Variants in APOLD1 observed in about 807,000 individuals in gnomAD.
The protein encoded by APOLD1 is apolipoprotein L domain containing 1.
Under a neutral mutation model 15.3 loss-of-function variants are expected in APOLD1, and 22 were observed. The observed-to-expected ratio is 1.44, with a 90% confidence interval of 1.03 to 2.05. The LOEUF (loss-of-function observed/expected upper bound fraction) is 2.05. Among genes scored for constraint, APOLD1 ranks in the 30% most tolerant of loss-of-function variants. The pLI is 0.00. For missense variants in APOLD1, 394 were observed against 353.5 expected, an observed-to-expected ratio of 1.11 and a Z score of -0.92; for synonymous variants, 190 against 167.4, an observed-to-expected ratio of 1.13 and a Z score of -1.04.
rs778912631 is a variant in APOLD1, at chr12:12,785,706, A to C, written c.3+12A>C. 1 of 1,611,682 alleles carries C rather than the reference A, an allele frequency of 6.2e-7. No homozygotes were observed. ...GACAGAAGTGAATGGTAAGTGGGGA[A>C]CCCTGAGGCATATATTCGGGATGAC... On this transcript the variant is annotated intron_variant, in intron 1 of 1. Transcript: ENST00000356591.
intron 1 of APOLD1, among the ~76,000 whole-genome samples, chr12:12,729,707 G>T (rs1372505538): frequency 6.6e-6 from 1 of 151,900 alleles, no homozygotes; most frequent in Non-Finnish European, 1.5e-5. Flanking sequence ...CCGCAGCTCA[G>T]GCTACAGTGA....
At chr12:12,737,506 A>G (rs975071268) in intron 1 of APOLD1, among the ~76,000 whole-genome samples, 1 of 152,238 alleles carries the variant, frequency 6.6e-6, no homozygotes, top group Admixed American at 6.5e-5. Context: ...TTTCTCGAAC[A>G]TAATAGCTTT....
At chr12:12,771,647 C>T (rs1946988053) in intron 1 of APOLD1, 1 of 497,384 alleles carries the variant, frequency 2.0e-6, no homozygotes, top group Non-Finnish European at 4.0e-6. Flanking sequence ...TGTCAGAGTT[C>T]ATTGAAACCC....
intron 1 of APOLD1, among the ~76,000 whole-genome samples, chr12:12,736,336 A>G (rs1415065632): frequency 1.4e-5 from 2 of 144,334 alleles, no homozygotes; most frequent in East Asian, 4.1e-4. Flanking sequence ...GGGCAATAAG[A>G]GTGAGAGTCT....
At chr12:12,758,025 A>C (rs1352829256) in intron 1 of APOLD1, among the ~76,000 whole-genome samples, 2 of 144,480 alleles carry the variant, frequency 1.4e-5, no homozygotes, top group Non-Finnish European at 3.0e-5. Context: ...TCCCGGGTTC[A>C]AGTGATTCTC....
intron 1 of APOLD1, among the ~76,000 whole-genome samples, chr12:12,750,127 T>A (rs1946799103): frequency 6.6e-6 from 1 of 152,034 alleles, no homozygotes; most frequent in Non-Finnish European, 1.5e-5. Flanking sequence ...AATCCCAGCA[T>A]TTTGCGAGGC....
At chr12:12,735,725 C>A (rs1439241893) in intron 1 of APOLD1, among the ~76,000 whole-genome samples, 1 of 152,018 alleles carries the variant, frequency 6.6e-6, no homozygotes, top group Non-Finnish European at 1.5e-5. Flanking sequence ...GAGGATCATT[C>A]GAGGTTAGGC....
At chr12:12,734,689 G>A (rs1246350352) in intron 1 of APOLD1, among the ~76,000 whole-genome samples, 2 of 152,212 alleles carry the variant, frequency 1.3e-5, no homozygotes, top group East Asian at 3.8e-4. Flanking sequence ...ATCAAAAGAA[G>A]ATGATCTTAT....
At chr12:12,744,932 A>G (rs1002860140) in intron 1 of APOLD1, among the ~76,000 whole-genome samples, 5 of 152,168 alleles carry the variant, frequency 3.3e-5, no homozygotes, top group Non-Finnish European at 7.4e-5. Context: ...AAATATCACT[A>G]TGAACTTGTG....
intron 1 of APOLD1, among the ~76,000 whole-genome samples, chr12:12,755,264 G>C (rs1034198619): frequency 2.0e-5 from 3 of 151,980 alleles, no homozygotes; most frequent in African/African-American, 7.3e-5. Context: ...GAGATCCCTA[G>C]CTCACTTCAT....
chr12:12,773,342 C>G (rs1365753624), intron 1 of APOLD1, among the ~76,000 whole-genome samples: 1 of 152,090 alleles, frequency 6.6e-6, no homozygotes, highest in Non-Finnish European at 1.5e-5. Flanking sequence ...GGGAAGATTG[C>G]TTGAGGCCAG....
chr12:12,742,546 C>CACA (rs1218878142), intron 1 of APOLD1, among the ~76,000 whole-genome samples: 1 of 152,052 alleles, frequency 6.6e-6, no homozygotes, highest in African/African-American at 2.4e-5. Flanking sequence ...GTGGGTGGAT[C>CACA]ACAAGGTCAG....
chr12:12,766,701 T>C (rs1291960314), intron 1 of APOLD1, among the ~76,000 whole-genome samples: 6 of 151,480 alleles, frequency 4.0e-5, no homozygotes, highest in Middle Eastern at 3.5e-3. Flanking sequence ...ATACAAAAAT[T>C]AGCTGAGTGT....
At chr12:12,738,527 T>A (rs1592290563) in intron 1 of APOLD1, among the ~76,000 whole-genome samples, 1 of 152,312 alleles carries the variant, frequency 6.6e-6, no homozygotes, top group African/African-American at 2.4e-5. Flanking sequence ...TATTTACATA[T>A]CTACTATCTT....
At chr12:12,777,889 G>GTTTTTTTTTTTTT (rs71436735) in intron 1 of APOLD1, among the ~76,000 whole-genome samples, 12 of 117,130 alleles carry the variant, frequency 1.0e-4, no homozygotes, top group Non-Finnish European at 1.5e-4. Flanking sequence ...AAGGAAAGGT[G>GTTTTTTTTTTTTT]TTTTTTTTTT....
upstream of APOLD1, among the ~76,000 whole-genome samples, chr12:12,781,414 C>T (rs141272061): frequency 6.6e-6 from 1 of 151,638 alleles, no homozygotes; most frequent in African/African-American, 2.4e-5. Flanking sequence ...ATTGCCTAGG[C>T]AACAAGAGCG....
At chr12:12,774,589 GT>G (rs1251766950) in intron 1 of APOLD1, among the ~76,000 whole-genome samples, 8 of 109,028 alleles carry the variant, frequency 7.3e-5, no homozygotes, top group African/African-American at 9.6e-5. Flanking sequence ...GAAAAGAAAA[GT>G]AAAGAAAAGA....
chr12:12,742,419 C>T (rs1946735018), intron 1 of APOLD1, among the ~76,000 whole-genome samples: 1 of 152,184 alleles, frequency 6.6e-6, no homozygotes, highest in Non-Finnish European at 1.5e-5. Flanking sequence ...TGATGCTCAC[C>T]TCCATATCGA....
intron 1 of APOLD1, among the ~76,000 whole-genome samples, chr12:12,759,199 G>A (rs935088129): frequency 3.9e-5 from 6 of 152,166 alleles, no homozygotes; most frequent in African/African-American, 9.7e-5. Context: ...GTGGTTGACC[G>A]AATGTAACTG....
Sources: gnomAD v4.1 joint callset for allele counts (sites outside exome capture counted in the v4.1 genomes callset) on GRCh38, gnomAD v4.1.1 for gene constraint, MANE v1.5 for transcripts, NCBI Gene and HGNC (gene_info 2026-07-23, HGNC 2026-07-21) for gene names.